Variants in ERC2 observed in about 807,000 individuals in gnomAD.
The protein encoded by ERC2 is ELKS/RAB6-interacting/CAST family member 2, also known as ERC protein 2.
Under a neutral mutation model 114.8 loss-of-function variants are expected in ERC2, and 42 were observed. The ratio of observed to expected loss-of-function variants is 0.37; its 90% CI spans 0.29 to 0.47. The LOEUF (loss-of-function observed/expected upper bound fraction) is 0.47. Ranked by LOEUF, ERC2 falls within the 20% of genes least tolerant of loss-of-function variation. ERC2 has a pLI of 0.99. For synonymous variants in ERC2, 454 were observed against 425.5 expected (o/e 1.07, Z -0.82); for missense variants, 939 against 1,150.7 (o/e 0.82, Z 2.66).
intron 14 of ERC2, among the ~76,000 whole-genome samples, chr3:55,781,754 C>G (rs866519066): frequency 1.3e-5 from 2 of 151,752 alleles, no homozygotes; most frequent in South Asian, 4.2e-4. Flanking sequence ...CGCCTGTAAT[C>G]CCAGCTACCC....
intron 6 of ERC2, among the ~76,000 whole-genome samples, chr3:56,131,629 G>A (rs1282332724): frequency 6.6e-6 from 1 of 152,156 alleles, no homozygotes. Context: ...ATTATGGCAA[G>A]GGGTGAAAAA....
chr3:56,171,978 C>A (rs491436), intron 4 of ERC2, among the ~76,000 whole-genome samples: 137,981 of 141,392 alleles, frequency 0.98, 67,427 homozygotes, highest in South Asian at 1. Flanking sequence ...TTTGCAAAAA[C>A]AAAAAACAAA....
chr3:56,317,832 T>C (rs2056941339), intron 2 of ERC2, among the ~76,000 whole-genome samples: 1 of 152,182 alleles, frequency 6.6e-6, no homozygotes, highest in East Asian at 1.9e-4. Flanking sequence ...GAAAGTCAAA[T>C]GGGGGGTGTT....
chr3:55,966,214 TC>T (rs2149476837), intron 12 of ERC2, among the ~76,000 whole-genome samples: 1 of 152,252 alleles, frequency 6.6e-6, no homozygotes, highest in African/African-American at 2.4e-5. Context: ...CCTTCCCTCT[TC>T]TTGACCAAGC....
intron 17 of ERC2, among the ~76,000 whole-genome samples, chr3:55,609,830 C>G (rs946767298): frequency 2.6e-5 from 4 of 151,798 alleles, no homozygotes; most frequent in Admixed American, 2.6e-4. Context: ...CTTTTTGGTC[C>G]TCTGCTTTGG....
intron 13 of ERC2, among the ~76,000 whole-genome samples, chr3:55,932,149 A>T (rs1346751940): frequency 6.6e-6 from 1 of 152,218 alleles, no homozygotes; most frequent in East Asian, 1.9e-4. Flanking sequence ...GCTTGAAGAC[A>T]GACAGTATGT....
intron 6 of ERC2, among the ~76,000 whole-genome samples, chr3:56,110,466 T>C (rs2078901218): frequency 2.0e-5 from 3 of 152,162 alleles, no homozygotes; most frequent in African/African-American, 2.4e-5. Context: ...GGCTTATAAC[T>C]ACATGGGCAC....
rs60242810 is a variant in ERC2, at chr3:55,613,982, C to CAAA, written c.*39+69809_*39+69811dup. On this transcript the variant is annotated intron_variant, in intron 17 of 17. Coordinates refer to ENST00000288221, the MANE Select transcript of ERC2 (RefSeq NM_015576.3). ...TGGGAGACAGAGTGAGACTTCCTCT[C>CAAA]AAAAAAAAAAAAAAAAAAAAAAAAA... Among the ~76,000 whole-genome samples the CAAA allele has an allele frequency of 2.2e-3, 137 of 62,276 alleles. 1 individual carries two copies. Among genetic ancestry groups the CAAA allele is most frequent in the African/African-American group, 3.8e-3 (55 of 14,518 alleles). 40.9% of individuals were successfully genotyped at this position (62,276 alleles called of 152,430 possible).
intron 13 of ERC2, among the ~76,000 whole-genome samples, chr3:55,934,032 G>A (rs2149408400): frequency 6.6e-6 from 1 of 152,238 alleles, no homozygotes; most frequent in South Asian, 2.1e-4. Context: ...AGGCCATGAT[G>A]TTTCATGGCA....
chr3:55,587,757 C>T (rs2107592880), intron 17 of ERC2, among the ~76,000 whole-genome samples: 1 of 152,320 alleles, frequency 6.6e-6, no homozygotes, highest in Middle Eastern at 3.4e-3. Context: ...TAATACTATT[C>T]AGCGGTTTTT....
intron 12 of ERC2, among the ~76,000 whole-genome samples, chr3:55,979,510 C>T (rs2069892879): frequency 6.6e-6 from 1 of 152,154 alleles, no homozygotes; most frequent in Admixed American, 6.5e-5. Context: ...TAGTACATTC[C>T]ATCAAAACAC....
intron 1 of ERC2, among the ~76,000 whole-genome samples, chr3:56,462,450 C>T (rs572476216): frequency 6.6e-6 from 1 of 152,310 alleles, no homozygotes; most frequent in East Asian, 1.9e-4. Flanking sequence ...GGTCTCCCAA[C>T]CTCTGGTCTC....
chr3:56,387,628 C>T (rs748258188), intron 2 of ERC2, among the ~76,000 whole-genome samples: 6 of 152,144 alleles, frequency 3.9e-5, no homozygotes, highest in East Asian at 3.9e-4. Flanking sequence ...GGACTGCCTT[C>T]GAAAATGACA....
In ERC2 at chr3:56,032,858, G is replaced by GGAAAGAAAGAAAGAAAGAAAGAAAGAAA. The variant is rs149220809; in HGVS notation, c.1642-13855_1642-13828dup. ...CTGTTGGAAGAACAAAAGAAAGAAA[G>GGAAAGAAAGAAAGAAAGAAAGAAAGAAA]GAAAGAAAGAAAGAAAGAAAGAAAG... On this transcript the variant is annotated intron_variant, in intron 7 of 17. Coordinates refer to ENST00000288221, the MANE Select transcript of ERC2 (RefSeq NM_015576.3). Among the ~76,000 whole-genome samples the GGAAAGAAAGAAAGAAAGAAAGAAAGAAA allele has an allele frequency of 2.9e-3, 198 of 68,994 alleles. 6 individuals are homozygous for GGAAAGAAAGAAAGAAAGAAAGAAAGAAA. The highest frequency in any genetic ancestry group is 4.8e-3 in the Admixed American group (26 of 5,456). 45.3% of individuals were successfully genotyped at this position (68,994 alleles called of 152,430 possible). A position where few individuals can be genotyped will look rare whatever the true frequency, so the allele number is the denominator to read the frequency against.
At chr3:56,135,407 G>T (rs1473865991) in intron 6 of ERC2, among the ~76,000 whole-genome samples, 1 of 152,136 alleles carries the variant, frequency 6.6e-6, no homozygotes, top group Non-Finnish European at 1.5e-5. Flanking sequence ...ATTCAAAAGA[G>T]ACCCACAAAG....
Position 56,074,909 on chromosome 3 carries a change from T to C in ERC2, c.1641+5908A>G, listed in dbSNP as rs538949501. Among the ~76,000 whole-genome samples the C allele has an allele frequency of 2.6e-5, 4 of 152,270 alleles. No homozygotes were observed. The East Asian group carries it at 7.7e-4, about 29-fold the overall frequency. ...TTCTCCTCTCCCAAGTTCTCATTCATTGAGAATTTGCTGAGCTCATTTATT... is the reference window on the plus strand; with the variant it reads ...TTCTCCTCTCCCAAGTTCTCATTCACTGAGAATTTGCTGAGCTCATTTATT... On this transcript the variant is annotated intron_variant, in intron 7 of 17. Coordinates refer to ENST00000288221, the MANE Select transcript of ERC2 (RefSeq NM_015576.3).
At chr3:56,246,093 T>TAAAAAAAAAAAAAA (rs34868223) in intron 3 of ERC2, among the ~76,000 whole-genome samples, 1 of 127,626 alleles carries the variant, frequency 7.8e-6, no homozygotes. Flanking sequence ...TCAGATTCTT[T>TAAAAAAAAAAAAAA]AAAAAAAAAA....
chr3:55,699,306 G>A lies in ERC2; in HGVS notation c.2847+72C>T, dbSNP rs1471491571. On this transcript the variant is annotated intron_variant, in intron 16 of 17. Coordinates refer to ENST00000288221, the MANE Select transcript of ERC2 (RefSeq NM_015576.3). ...CTTTATGATGTTTATTATTTCTTGAGGATTATTTATTTTATCTTAAAATAT... is the reference window on the plus strand; with the variant it reads ...CTTTATGATGTTTATTATTTCTTGAAGATTATTTATTTTATCTTAAAATAT... The A allele has an allele frequency of 1.1e-5, 17 of 1,566,454 alleles. No homozygotes were observed. The East Asian group carries it at 2.5e-4, about 23-fold the overall frequency.
At chr3:55,683,061 T>C (rs1249491200) in intron 17 of ERC2, among the ~76,000 whole-genome samples, 1 of 152,232 alleles carries the variant, frequency 6.6e-6, no homozygotes, top group Admixed American at 6.5e-5. Flanking sequence ...AAAGATCAGC[T>C]TTTAAAATAC....
Sources: gnomAD v4.1 joint callset for allele counts (sites outside exome capture counted in the v4.1 genomes callset) on GRCh38, gnomAD v4.1.1 for gene constraint, MANE v1.5 for transcripts, NCBI Gene and HGNC (gene_info 2026-07-23, HGNC 2026-07-21) for gene names.